The following SCN4B variants were observed in gnomAD, a reference collection of about 807,000 sequenced individuals.
SCN4B encodes the protein sodium channel regulatory subunit beta-4.
SCN4B carries 20 observed loss-of-function variants against 19.6 expected under a neutral mutation model. The observed-to-expected ratio is 1.02, with a 90% CI of 0.72 to 1.48. The LOEUF is 1.48. Ranked by LOEUF, SCN4B falls within the 40% of genes most tolerant of loss-of-function variation. The pLI, the probability that SCN4B is intolerant of heterozygous loss-of-function variation, is 0.00. For synonymous variants in SCN4B, 127 were observed against 122.8 expected, an observed-to-expected ratio of 1.03 and a Z score of -0.22; for missense variants, 271 against 287.5, an observed-to-expected ratio of 0.94 and a Z score of 0.42.
At position 118,136,093 on chromosome 11, in the gene SCN4B, G is replaced by GGGGGAGAAGCA. The variant is rs1555096170; in HGVS notation, c.*923_*933dup. On this transcript the variant is annotated 3_prime_UTR_variant, in exon 5 of 5. Coordinates refer to ENST00000324727, the MANE Select transcript of SCN4B (RefSeq NM_174934.4). ...GGAGGGTGCAGCCTCTCAGGTAGGA[G>GGGGGAGAAGCA]GGGGAGAAGCAGGGGAGAGCTGGGC... The GGGGGAGAAGCA allele has an allele frequency of 1.1e-5, 4 of 367,348 alleles. No individual in the cohort carries two copies. Among genetic ancestry groups the GGGGGAGAAGCA allele is most frequent in the Non-Finnish European group, 2.2e-5 (4 of 185,320 alleles). 22.8% of individuals were successfully genotyped at this position (367,348 alleles called of 1,614,324 possible). A position where few individuals can be genotyped will look rare whatever the true frequency, so the allele number is the denominator to read the frequency against.
chr11:118,140,192 C>T (rs780505572), intron 4 of SCN4B, among the ~76,000 whole-genome samples: 4 of 152,190 alleles, frequency 2.6e-5, no homozygotes, highest in Non-Finnish European at 4.4e-5. Flanking sequence ...GCTTTTAGCC[C>T]CTCTCACGAT....
At chr11:118,139,591 T>C (rs1948069251) in intron 4 of SCN4B, among the ~76,000 whole-genome samples, 1 of 151,958 alleles carries the variant, frequency 6.6e-6, no homozygotes, top group Non-Finnish European at 1.5e-5. Flanking sequence ...ATGAATGAAC[T>C]CTAGATATGC....
At chr11:118,141,450 G>T (rs1948098578) in intron 3 of SCN4B, 114 bp from the exon 4 acceptor site, 1 of 1,265,740 alleles carries the variant, frequency 7.9e-7, no homozygotes, top group South Asian at 1.3e-5. Flanking sequence ...TGGCATCCGG[G>T]GCACATCCAC....
In SCN4B at chr11:118,145,941, G is replaced by A. The variant is rs1013088182; in HGVS notation, c.62-712C>T. ...GGCCTGGCAGGGGGGAACACGGCGG[G>A]GGTGGGGACCGACGCGGGGCTTGGA... On this transcript the variant is annotated intron_variant, in intron 1 of 4. Coordinates refer to ENST00000324727, the MANE Select transcript of SCN4B (RefSeq NM_174934.4). 4.1e-4 allele frequency among the ~76,000 whole-genome samples: 62 copies of A among 152,230 alleles called. 3 individuals carry two copies. The highest frequency in any genetic ancestry group is 5.8e-4 in the East Asian group (3 of 5,194).
chr11:118,151,024 C>G (rs1209861463), intron 1 of SCN4B, among the ~76,000 whole-genome samples: 1 of 152,256 alleles, frequency 6.6e-6, no homozygotes, highest in East Asian at 1.9e-4. Context: ...GGCCTTAGCC[C>G]CTACCTGGTC....
chr11:118,143,710 T>C, intron 3 of SCN4B, 123 bp downstream of exon 3: 1 of 724,684 alleles, frequency 1.4e-6, no homozygotes, highest in Non-Finnish European at 2.5e-6. Flanking sequence ...CCAGCAGCTC[T>C]GGAAAGTGTA....
chr11:118,144,516 C>A (rs1374556739), intron 2 of SCN4B, among the ~76,000 whole-genome samples: 1 of 152,154 alleles, frequency 6.6e-6, no homozygotes, highest in Non-Finnish European at 1.5e-5. Context: ...TTAATTATAA[C>A]CAGAGTTGGT....
chr11:118,147,164 T>C (rs972760164), intron 1 of SCN4B, among the ~76,000 whole-genome samples: 3 of 152,234 alleles, frequency 2.0e-5, no homozygotes, highest in Non-Finnish European at 4.4e-5. Context: ...CGAGAGGATT[T>C]GTGCATACTA....
At chr11:118,141,186 G>A in intron 4 of SCN4B, 21 bp downstream of exon 4, 1 of 1,612,738 alleles carries the variant, frequency 6.2e-7, no homozygotes, top group African/African-American at 1.3e-5. Flanking sequence ...GAGGACAGGA[G>A]TGTGCTCCAG....
rs1038667600 is a variant in SCN4B at position 118,148,377 on chromosome 11, G to T, written c.62-3148C>A. On this transcript the variant is annotated intron_variant, in intron 1 of 4. Transcript: ENST00000324727. This position sits in a 1 kb window ranked among gnomAD's most constrained non-coding sequence, Gnocchi z 4.0. ...TGAGGCTGCTCTGGGGGAGAGGGGGGAACCAGGGGCAGGTGTTGGTCCACA... is the reference window on the plus strand; with the variant it reads ...TGAGGCTGCTCTGGGGGAGAGGGGGTAACCAGGGGCAGGTGTTGGTCCACA... Among the ~76,000 whole-genome samples, 4 of 152,222 alleles carry T rather than the reference G, an allele frequency of 2.6e-5. No homozygotes were observed. Among genetic ancestry groups the T allele is most frequent in the Non-Finnish European group, 5.9e-5 (4 of 68,042 alleles).
rs1219896518 is a variant in SCN4B, at chr11:118,134,484, T to A, written c.*2543A>T. 1 of 453,992 alleles carries A rather than the reference T, an allele frequency of 2.2e-6. No homozygotes were observed. The highest frequency in any genetic ancestry group is 2.0e-5 in the African/African-American group (1 of 50,002). 28.1% of individuals were successfully genotyped at this position (453,992 alleles called of 1,614,324 possible). A position where few individuals can be genotyped will look rare whatever the true frequency, so the allele number is the denominator to read the frequency against. On this transcript the variant is annotated 3_prime_UTR_variant, in exon 5 of 5. Coordinates refer to ENST00000324727, the MANE Select transcript of SCN4B (RefSeq NM_174934.4). ...ATAATGTTGACATGGGACAGGATGA[T>A]TCTTTGTTGTGGGGACTAAGTTTAG...
At chr11:118,142,743 A>G (rs1948115172) in intron 3 of SCN4B, 1 of 152,202 alleles carries the variant, frequency 6.6e-6, no homozygotes, top group South Asian at 2.1e-4. Context: ...GCTGGTGAGG[A>G]GCAAAGGAGC....
intron 1 of SCN4B, among the ~76,000 whole-genome samples, chr11:118,146,659 C>T (rs1344609394): frequency 6.6e-6 from 1 of 152,164 alleles, no homozygotes. Flanking sequence ...TGCTTATATC[C>T]CCCAGCCCTA....
At chr11:118,150,390 C>G (rs1317401406) in intron 1 of SCN4B, among the ~76,000 whole-genome samples, 2 of 152,128 alleles carry the variant, frequency 1.3e-5, no homozygotes, top group Non-Finnish European at 2.9e-5. Context: ...CCTGGGAGTT[C>G]ACTGCTCTGT....
In SCN4B at chr11:118,143,795, TC is replaced by T. The variant is rs765639371; in HGVS notation, c.463+37del. On this transcript the variant is annotated intron_variant, in intron 3 of 4. Coordinates refer to ENST00000324727, the MANE Select transcript of SCN4B (RefSeq NM_174934.4). ...CTGAGTTGGGTGCCTCCCAAGTCCTTCCCACGCCACTGCCCTGTGCCAGCCC... is the reference window on the plus strand; with the variant it reads ...CTGAGTTGGGTGCCTCCCAAGTCCTTCCACGCCACTGCCCTGTGCCAGCCC... 6 of 1,516,840 alleles carry T rather than the reference TC, an allele frequency of 4.0e-6. No homozygotes were observed. In the East Asian group the frequency reaches 1.4e-4, roughly 34 times the overall value. The allele number at this position is 1,516,840 out of a possible 1,614,324, so 94.0% of individuals were successfully genotyped here.
chr11:118,143,319 G>C (rs1948123972), intron 3 of SCN4B, among the ~76,000 whole-genome samples: 1 of 152,176 alleles, frequency 6.6e-6, no homozygotes, highest in African/African-American at 2.4e-5. Context: ...CTCCATCTCT[G>C]TTGTTTTCAC....
chr11:118,144,054 T>A lies in SCN4B; in HGVS notation c.242A>T (p.Glu81Val), dbSNP rs767062079. ...AGACTTCTCATTCTTCACAGTCCCC[T>A]CTATGAGCTGGTGGAGGAAGGGAGT... ...NSSDAFKILI[E>V]GTVKNEKSDP... The change falls in exon 3 of 5, where the codon GAG becomes GTG. Residue 81 changes from glutamate (E) to valine (V), a missense_variant. Coordinates refer to ENST00000324727, the MANE Select transcript of SCN4B (RefSeq NM_174934.4). The A allele has an allele frequency of 1.9e-6, 3 of 1,610,426 alleles. No homozygotes were observed. The highest frequency in any genetic ancestry group is 1.7e-4 in the Middle Eastern group (1 of 6,060).
chr11:118,151,754 C>T (rs1948234751), intron 1 of SCN4B, among the ~76,000 whole-genome samples: 1 of 152,118 alleles, frequency 6.6e-6, no homozygotes, highest in South Asian at 2.1e-4. Flanking sequence ...GAGATGGAGT[C>T]GGCTTACATT....
At position 118,134,166 on chromosome 11, in the gene SCN4B, G is replaced by A. The variant is rs189421608; in HGVS notation, c.*2861C>T. The A allele has an allele frequency of 2.9e-5, 13 of 454,082 alleles. No individual in the cohort carries two copies. Among genetic ancestry groups the A allele is most frequent in the Admixed American group, 1.4e-4 (6 of 42,560 alleles). 28.1% of individuals were successfully genotyped at this position (454,082 alleles called of 1,614,324 possible). Reference sequence around the variant, plus strand: ...CCTCTCTAACATCAGGGGTTTATTCGGGCTGCCTTCTGTTCAATTACGACA... The same window carrying A: ...CCTCTCTAACATCAGGGGTTTATTCAGGCTGCCTTCTGTTCAATTACGACA... On this transcript the variant is annotated 3_prime_UTR_variant, in exon 5 of 5. Transcript: ENST00000324727.
Sources: allele counts gnomAD v4.1 joint callset (sites outside exome capture counted in the v4.1 genomes callset), GRCh38; gene constraint gnomAD v4.1.1; non-coding constraint Gnocchi (gnomAD v3.1); transcripts MANE v1.5; gene names NCBI Gene and HGNC (gene_info 2026-07-23, HGNC 2026-07-21).